MEI4: variants seen among roughly 807,000 people sequenced by gnomAD.
MEI4 encodes meiotic double-stranded break formation protein 4.
MEI4 carries 27 observed loss-of-function variants against 31.4 expected under a neutral mutation model. That is an observed-to-expected ratio of 0.86 (90% CI 0.63 to 1.19). MEI4 has a LOEUF of 1.19. Ranked by LOEUF, MEI4 falls within the 50% of genes most tolerant of loss-of-function variation. MEI4 has a pLI of 0.00. For synonymous variants in MEI4, 122 were observed against 145.4 expected (o/e 0.84, Z 1.16); for missense variants, 329 against 398.9 (o/e 0.82, Z 1.49).
At chr6:77,792,217 G>A (rs1225158665) in intron 3 of MEI4, among the ~76,000 whole-genome samples, 1 of 152,072 alleles carries the variant, frequency 6.6e-6, no homozygotes, top group African/African-American at 2.4e-5. Context: ...CAATTAAGTT[G>A]ATTCCATCTT....
chr6:77,663,128 A>C (rs1266138565), intron 1 of MEI4, among the ~76,000 whole-genome samples: 1 of 152,246 alleles, frequency 6.6e-6, no homozygotes. Flanking sequence ...TAGGCAAAAC[A>C]ATTTGGTTGA....
intron 3 of MEI4, among the ~76,000 whole-genome samples, chr6:77,770,464 T>G (rs530189860): frequency 7.9e-4 from 121 of 152,244 alleles, no homozygotes; most frequent in Non-Finnish European, 8.2e-4. Flanking sequence ...TTCAATGCTA[T>G]TCCTGTCAAA....
chr6:77,741,096 C>G (rs529888697), intron 2 of MEI4, among the ~76,000 whole-genome samples: 2 of 152,182 alleles, frequency 1.3e-5, no homozygotes, highest in Admixed American at 1.3e-4. Context: ...CAGTACACAT[C>G]TGGATTATGG....
chr6:77,682,862 A>G (rs1394349225), intron 1 of MEI4, among the ~76,000 whole-genome samples: 3 of 152,196 alleles, frequency 2.0e-5, no homozygotes, highest in Non-Finnish European at 4.4e-5. Context: ...AGGAAGGGAT[A>G]TGGAAATGGA....
At chr6:77,733,552 G>A (rs564417393) in intron 2 of MEI4, among the ~76,000 whole-genome samples, 12 of 151,916 alleles carry the variant, frequency 7.9e-5, no homozygotes, top group African/African-American at 2.7e-4. Context: ...CGGTTTATCA[G>A]TTTTGTTGAT....
At chr6:77,916,649 A>G (rs1282681900) in intron 4 of MEI4, among the ~76,000 whole-genome samples, 1 of 152,094 alleles carries the variant, frequency 6.6e-6, no homozygotes, top group African/African-American at 2.4e-5. Context: ...CCAAAAGAAG[A>G]TCCCATATCA....
intron 2 of MEI4, among the ~76,000 whole-genome samples, chr6:77,743,629 C>A (rs576099452): frequency 1.3e-5 from 2 of 152,182 alleles, no homozygotes; most frequent in Non-Finnish European, 2.9e-5. Context: ...TCTCCCAGCA[C>A]GCAGCTGGAG....
chr6:77,763,416 G>T (rs79116714), intron 3 of MEI4, among the ~76,000 whole-genome samples: 2 of 152,064 alleles, frequency 1.3e-5, no homozygotes, highest in South Asian at 2.1e-4. Context: ...GTTGCCCTTC[G>T]TGTTTATTTA....
intron 2 of MEI4, among the ~76,000 whole-genome samples, chr6:77,731,315 C>G (rs1298345684): frequency 6.7e-6 from 1 of 149,554 alleles, no homozygotes; most frequent in Admixed American, 6.7e-5. Flanking sequence ...TTAATGATTG[C>G]CATTCTAACT....
At chr6:77,754,577 A>G (rs1443411849) in intron 2 of MEI4, among the ~76,000 whole-genome samples, 8 of 152,124 alleles carry the variant, frequency 5.3e-5, no homozygotes, top group Non-Finnish European at 1.2e-4. Context: ...TTGCTTCCAC[A>G]TTTTCAGGTT....
chr6:77,873,390 C>T (rs1390693753), intron 4 of MEI4, among the ~76,000 whole-genome samples: 1 of 152,162 alleles, frequency 6.6e-6, no homozygotes, highest in Non-Finnish European at 1.5e-5. Flanking sequence ...TTTTTGGCTG[C>T]ATAAATGTCT....
chr6:77,867,857 C>G (rs1391309603), intron 4 of MEI4, among the ~76,000 whole-genome samples: 1 of 152,108 alleles, frequency 6.6e-6, no homozygotes, highest in Admixed American at 6.6e-5. Flanking sequence ...GCAAATGTGA[C>G]ACATATGCAC....
chr6:77,791,604 C>A, intron 3 of MEI4, among the ~76,000 whole-genome samples: 1 of 149,282 alleles, frequency 6.7e-6, no homozygotes, highest in Non-Finnish European at 1.5e-5. Context: ...GTGGGTGCAG[C>A]GCACCAGCAT....
chr6:77,865,030 CA>C (rs1189158637), intron 4 of MEI4, among the ~76,000 whole-genome samples: 1 of 151,952 alleles, frequency 6.6e-6, no homozygotes, highest in Non-Finnish European at 1.5e-5. Context: ...TCTTTGAAAC[CA>C]ACGAGAACAA....
rs1233118226 is a variant in MEI4 at position 77,925,306 on chromosome 6, G to A, written c.*1960G>A. On this transcript the variant is annotated 3_prime_UTR_variant, in exon 5 of 5. Transcript: ENST00000684080. Reference sequence around the variant, plus strand: ...GATCACTGTGAATGCACAAAATGGAGAAACATTTTATTTCCATTTGGTATC... The same window carrying A: ...GATCACTGTGAATGCACAAAATGGAAAAACATTTTATTTCCATTTGGTATC... 1 of 151,750 alleles carries A rather than the reference G, an allele frequency of 6.6e-6. No individual in the cohort carries two copies. The highest frequency in any genetic ancestry group is 1.5e-5 in the Non-Finnish European group (1 of 67,894). 9.4% of individuals were successfully genotyped at this position (151,750 alleles called of 1,614,324 possible).
intron 1 of MEI4, among the ~76,000 whole-genome samples, chr6:77,668,733 A>C (rs887244180): frequency 6.6e-6 from 1 of 152,166 alleles, no homozygotes; most frequent in Non-Finnish European, 1.5e-5. Flanking sequence ...AAGATTATGG[A>C]TATAAATCCA....
At chr6:77,655,557 T>G (rs1768379188) in intron 1 of MEI4, among the ~76,000 whole-genome samples, 1 of 152,186 alleles carries the variant, frequency 6.6e-6, no homozygotes. Flanking sequence ...CTTTCTGTTA[T>G]CAGACTTATA....
At chr6:77,811,592 T>C (rs1769574828) in intron 3 of MEI4, among the ~76,000 whole-genome samples, 1 of 152,014 alleles carries the variant, frequency 6.6e-6, no homozygotes, top group Non-Finnish European at 1.5e-5. Flanking sequence ...CTGGCCAACA[T>C]GGTGAAACCC....
chr6:77,923,082 T>G lies in MEI4; in HGVS notation c.901-7T>G. On this transcript the variant is annotated splice_polypyrimidine_tract_variant and splice_region_variant and intron_variant, in intron 4 of 4. Coordinates refer to ENST00000684080, the MANE Select transcript of MEI4 (RefSeq NM_001322247.2). ...ATTTTTTAAAGGAGTTTGTTGTTTA[T>G]TTGTAGGAGCAAGCCAGTTATGATG... 8.1e-7 allele frequency: 1 copy of G among 1,229,698 alleles called. No homozygotes were observed. Among genetic ancestry groups the G allele is most frequent in the Non-Finnish European group, 1.0e-6 (1 of 986,120 alleles). The allele number at this position is 1,229,698 out of a possible 1,614,324, so 76.2% of individuals were successfully genotyped here.
Sources: allele counts gnomAD v4.1 joint callset (sites outside exome capture counted in the v4.1 genomes callset), GRCh38; gene constraint gnomAD v4.1.1; transcripts MANE v1.5; gene names NCBI Gene and HGNC (gene_info 2026-07-23, HGNC 2026-07-21).